KAZN: variants seen among roughly 807,000 people sequenced by gnomAD.
KAZN encodes the protein kazrin, periplakin interacting protein, also known as kazrin.
Under a neutral mutation model 87.4 loss-of-function variants are expected in KAZN, and 40 were observed. The ratio of observed to expected loss-of-function variants is 0.46; its 90% CI spans 0.36 to 0.60. The LOEUF (loss-of-function observed/expected upper bound fraction) is 0.60. Ranked by LOEUF, KAZN falls within the 20% of genes least tolerant of loss-of-function variation. KAZN has a pLI of 0.00. For missense variants in KAZN, 898 were observed against 1,073.9 expected, an observed-to-expected ratio of 0.84 and a Z score of 2.29; for synonymous variants, 466 against 458.3, an observed-to-expected ratio of 1.02 and a Z score of -0.22.
At chr1:14,571,843 G>A (rs1055125059) in intron 2 of KAZN, among the ~76,000 whole-genome samples, 2 of 152,188 alleles carry the variant, frequency 1.3e-5, no homozygotes, top group East Asian at 1.9e-4. Context: ...GGGAAGGAGA[G>A]GCAGGGCTTG....
At chr1:14,428,930 G>A (rs945679551) in intron 2 of KAZN, among the ~76,000 whole-genome samples, 4 of 151,548 alleles carry the variant, frequency 2.6e-5, no homozygotes, top group African/African-American at 9.7e-5. Flanking sequence ...AGGCTTTTCA[G>A]GATATATATT....
intron 2 of KAZN, among the ~76,000 whole-genome samples, chr1:14,468,814 G>C (rs545610608): frequency 1.3e-5 from 2 of 152,298 alleles, no homozygotes; most frequent in Admixed American, 1.3e-4. Flanking sequence ...GCATCTCTGC[G>C]GGTAGGCATC....
intron 2 of KAZN, among the ~76,000 whole-genome samples, chr1:14,557,656 GT>G (rs1391762632): frequency 2.0e-4 from 29 of 145,484 alleles, no homozygotes; most frequent in African/African-American, 7.0e-4. Flanking sequence ...GTGTGTGTGT[GT>G]GTGTGTGTGG....
chr1:14,680,121 G>A (rs1363975976), intron 1 of KAZN, among the ~76,000 whole-genome samples: 1 of 152,142 alleles, frequency 6.6e-6, no homozygotes, highest in Non-Finnish European at 1.5e-5. Flanking sequence ...TTCCCTGAGT[G>A]ACTCTTTTTA....
chr1:14,754,172 G>A (rs1644490671), intron 1 of KAZN, among the ~76,000 whole-genome samples: 1 of 152,200 alleles, frequency 6.6e-6, no homozygotes, highest in Middle Eastern at 3.2e-3. Flanking sequence ...GGTGGGTTGG[G>A]GTGGACAGCT....
At chr1:14,786,995 T>G (rs530509365) in intron 1 of KAZN, among the ~76,000 whole-genome samples, 1 of 152,336 alleles carries the variant, frequency 6.6e-6, no homozygotes, top group Non-Finnish European at 1.5e-5. Flanking sequence ...AGTTTCCAAC[T>G]CTTGACACCA....
At chr1:14,950,182 T>G (rs1404426313) in intron 1 of KAZN, among the ~76,000 whole-genome samples, 1 of 152,062 alleles carries the variant, frequency 6.6e-6, no homozygotes. Context: ...TTTGAGAGTC[T>G]TCTCCTATTT....
intron 1 of KAZN, among the ~76,000 whole-genome samples, chr1:14,082,357 T>C (rs975871776): frequency 1.3e-5 from 2 of 152,154 alleles, no homozygotes; most frequent in African/African-American, 2.4e-5. Context: ...ATTGCCTCCA[T>C]ACTTTGACAA....
intron 2 of KAZN, among the ~76,000 whole-genome samples, chr1:14,267,270 G>A (rs1449367572): frequency 6.6e-6 from 1 of 151,298 alleles, no homozygotes; most frequent in Non-Finnish European, 1.5e-5. Flanking sequence ...TTTAAAGGAG[G>A]GGTGTCCAAA....
intron 4 of KAZN, among the ~76,000 whole-genome samples, chr1:15,044,484 C>T (rs1298865210): frequency 1.3e-5 from 2 of 152,136 alleles, no homozygotes; most frequent in Non-Finnish European, 2.9e-5. Context: ...TGCAGTGGCT[C>T]ATGCCTGTAA....
intron 2 of KAZN, among the ~76,000 whole-genome samples, chr1:14,581,234 T>G (rs1029475816): frequency 6.6e-6 from 1 of 152,088 alleles, no homozygotes; most frequent in Non-Finnish European, 1.5e-5. Context: ...CCAAACCTGC[T>G]CCTCCCACCG....
chr1:14,821,648 CAG>C (rs1282291176), intron 1 of KAZN, among the ~76,000 whole-genome samples: 1 of 152,114 alleles, frequency 6.6e-6, no homozygotes, highest in African/African-American at 2.4e-5. Flanking sequence ...GAGGGGGTCT[CAG>C]GGAGAAGACA....
intron 2 of KAZN, among the ~76,000 whole-genome samples, chr1:15,008,021 C>G (rs563885990): frequency 6.6e-6 from 1 of 152,272 alleles, no homozygotes; most frequent in South Asian, 2.1e-4. Context: ...GAAAAATCAC[C>G]TCCTTCTTCC....
At chr1:15,113,078 C>T (rs1053488922) in intron 14 of KAZN, 9 of 153,734 alleles carry the variant, frequency 5.9e-5, no homozygotes, top group African/African-American at 1.9e-4. Context: ...ACAGATTCCT[C>T]AATGGAAATG....
chr1:15,006,144 CAT>C (rs1370781613), intron 2 of KAZN, among the ~76,000 whole-genome samples: 2 of 152,244 alleles, frequency 1.3e-5, no homozygotes, highest in Non-Finnish European at 2.9e-5. Context: ...CACCAGCAAA[CAT>C]AAAAACCAAA....
chr1:13,903,503 A>G (rs1639323454), intron 1 of KAZN, among the ~76,000 whole-genome samples: 1 of 152,222 alleles, frequency 6.6e-6, no homozygotes, highest in African/African-American at 2.4e-5. Flanking sequence ...AAGGAGAGCC[A>G]GTGGGGGACT....
chr1:13,936,095 A>ATTTTTTTTTT (rs1557731876), intron 1 of KAZN, among the ~76,000 whole-genome samples: 1 of 32,906 alleles, frequency 3.0e-5, no homozygotes, highest in Non-Finnish European at 6.5e-5. Context: ...GTACAAGTGC[A>ATTTTTTTTTT]GTTTTTTTTT....
chr1:14,765,552 G>GTC (rs1644862004), intron 1 of KAZN, among the ~76,000 whole-genome samples: 1 of 152,202 alleles, frequency 6.6e-6, no homozygotes, highest in Non-Finnish European at 1.5e-5. Flanking sequence ...GTGTGCAGAT[G>GTC]TATTGGGAGA....
intron 2 of KAZN, among the ~76,000 whole-genome samples, chr1:14,972,961 A>G (rs189237148): frequency 2.5e-3 from 382 of 151,892 alleles, no homozygotes; most frequent in Non-Finnish European, 4.3e-3. Flanking sequence ...CGTATCGAGC[A>G]CCTCCGAGAG....
Sources: gnomAD v4.1 joint callset for allele counts (sites outside exome capture counted in the v4.1 genomes callset) on GRCh38, gnomAD v4.1.1 for gene constraint, MANE v1.5 for transcripts, NCBI Gene and HGNC (gene_info 2026-07-23, HGNC 2026-07-21) for gene names.